FAM168A: variants seen among roughly 807,000 people sequenced by gnomAD.
The protein encoded by FAM168A is protein FAM168A.
In FAM168A, 3 loss-of-function variants were observed where a neutral mutation model predicts 28.5. The ratio of observed to expected loss-of-function variants is 0.11; its 90% CI spans 0.05 to 0.27. The LOEUF (loss-of-function observed/expected upper bound fraction) is 0.27. Ranked by LOEUF, FAM168A falls within the 10% of genes least tolerant of loss-of-function variation. The pLI, the probability that FAM168A is intolerant of heterozygous loss-of-function variation, is 1.00. For synonymous variants in FAM168A, 122 were observed against 124.2 expected, an observed-to-expected ratio of 0.98 and a Z score of 0.12; for missense variants, 222 against 311.5, an observed-to-expected ratio of 0.71 and a Z score of 2.16.
At chr11:73,539,095 G>A (rs777591233) in intron 1 of FAM168A, among the ~76,000 whole-genome samples, 1 of 152,100 alleles carries the variant, frequency 6.6e-6, no homozygotes, top group African/African-American at 2.4e-5. Context: ...ATTTGGCTGC[G>A]CATTTCAATC....
intron 2 of FAM168A, among the ~76,000 whole-genome samples, chr11:73,464,830 T>C (rs1867708366): frequency 6.6e-6 from 1 of 152,054 alleles, no homozygotes; most frequent in Non-Finnish European, 1.5e-5. Context: ...CTCTCAGCTG[T>C]CGTGTGAGGA....
chr11:73,576,935 T>C (rs1944183968), intron 1 of FAM168A, among the ~76,000 whole-genome samples: 1 of 148,200 alleles, frequency 6.7e-6, no homozygotes, highest in Non-Finnish European at 1.5e-5. Context: ...AAGCAAAGCA[T>C]AGGTGCCTCC....
chr11:73,595,815 T>C (rs1366067990), intron 1 of FAM168A, among the ~76,000 whole-genome samples: 1 of 152,268 alleles, frequency 6.6e-6, no homozygotes, highest in Non-Finnish European at 1.5e-5. Context: ...GACAGAATTC[T>C]GATCACCTGA....
At chr11:73,526,148 G>A (rs1943443555) in intron 1 of FAM168A, among the ~76,000 whole-genome samples, 1 of 152,100 alleles carries the variant, frequency 6.6e-6, no homozygotes, top group Admixed American at 6.5e-5. Flanking sequence ...AACATACAAA[G>A]AGTCTCCACA....
chr11:73,430,339 T>G (rs972938805), intron 3 of FAM168A: 5 of 289,438 alleles, frequency 1.7e-5, no homozygotes, highest in Admixed American at 9.4e-5. Context: ...TGTCCCAAGG[T>G]GTGTGTGTGT....
chr11:73,569,355 G>T (rs1029687035), intron 1 of FAM168A, among the ~76,000 whole-genome samples: 1 of 152,152 alleles, frequency 6.6e-6, no homozygotes, highest in South Asian at 2.1e-4. Flanking sequence ...CACACACACA[G>T]CGGTCTTATC....
rs77686736 is a variant in FAM168A, at chr11:73,547,444, A to T, written c.-19+50479T>A. On this transcript the variant is annotated intron_variant, in intron 1 of 7. Coordinates refer to ENST00000356467, the MANE Select transcript of FAM168A (RefSeq NM_015159.3). ...GTGCTGCTGCTATTGAAAATAGTATATCTGCTTGCAGGAAGTAACAAAAGA... is the reference window on the plus strand; with the variant it reads ...GTGCTGCTGCTATTGAAAATAGTATTTCTGCTTGCAGGAAGTAACAAAAGA... 4.4e-3 allele frequency among the ~76,000 whole-genome samples: 668 copies of T among 152,248 alleles called. 1 individual carries two copies. The highest frequency in any genetic ancestry group is 0.015 in the African/African-American group (632 of 41,550).
chr11:73,516,533 G>A (rs956237141), intron 1 of FAM168A, among the ~76,000 whole-genome samples: 1 of 152,160 alleles, frequency 6.6e-6, no homozygotes, highest in African/African-American at 2.4e-5. Flanking sequence ...GGAACTGAAT[G>A]CTGTTACATT....
At chr11:73,549,920 G>A (rs1943805917) in intron 1 of FAM168A, among the ~76,000 whole-genome samples, 1 of 152,112 alleles carries the variant, frequency 6.6e-6, no homozygotes, top group Admixed American at 6.5e-5. Context: ...TCTTGCTTCA[G>A]GTTTGGTATG....
intron 1 of FAM168A, among the ~76,000 whole-genome samples, chr11:73,576,845 T>G (rs1202356622): frequency 4.0e-5 from 6 of 151,826 alleles, no homozygotes. Context: ...GACAAGAAAA[T>G]GGCCCCTGGT....
chr11:73,420,870 G>C (rs1444432925), intron 3 of FAM168A: 1 of 152,628 alleles, frequency 6.6e-6, no homozygotes, highest in Non-Finnish European at 1.5e-5. Flanking sequence ...TAGAAATGGG[G>C]AGTGACTCAA....
At position 73,514,007 on chromosome 11, in the gene FAM168A, A is replaced by C. The variant is rs549644116; in HGVS notation, c.-18-45515T>G. Among the ~76,000 whole-genome samples, 5 of 151,734 alleles carry C rather than the reference A, an allele frequency of 3.3e-5. No homozygotes were observed. In the East Asian group the frequency reaches 9.7e-4, roughly 30 times the overall value. ...GAGACCAGCCTGGGCAACATGGCAA[A>C]ACCCTCTCTCTATAAAAAAATACAA... On this transcript the variant is annotated intron_variant, in intron 1 of 7. Transcript: ENST00000356467.
intron 1 of FAM168A, among the ~76,000 whole-genome samples, chr11:73,534,555 A>G (rs558728292): frequency 6.6e-6 from 1 of 151,980 alleles, no homozygotes; most frequent in East Asian, 1.9e-4. Flanking sequence ...GGAGCCCACC[A>G]CCACGCCTGG....
At chr11:73,449,049 C>A (rs1226909470) in intron 2 of FAM168A, among the ~76,000 whole-genome samples, 3 of 152,156 alleles carry the variant, frequency 2.0e-5, no homozygotes, top group African/African-American at 7.2e-5. Flanking sequence ...GATCATGGCT[C>A]ACTGCAGCCT....
chr11:73,411,245 G>A (rs1024571015), intron 5 of FAM168A, 149 bp downstream of exon 5: 24 of 825,936 alleles, frequency 2.9e-5, no homozygotes, highest in Admixed American at 1.1e-4. Context: ...CAGACTGCAG[G>A]GATATTGCTT....
intron 2 of FAM168A, among the ~76,000 whole-genome samples, chr11:73,448,504 C>A (rs1590784660): frequency 6.6e-6 from 1 of 152,188 alleles, no homozygotes; most frequent in Non-Finnish European, 1.5e-5. Context: ...AGACAATGGG[C>A]TCACTAACCC....
intron 1 of FAM168A, among the ~76,000 whole-genome samples, chr11:73,590,595 G>C (rs1167974896): frequency 6.6e-6 from 1 of 152,162 alleles, no homozygotes; most frequent in Non-Finnish European, 1.5e-5. Context: ...TGGAGGAGGA[G>C]ATAATGTTCC....
intron 1 of FAM168A, among the ~76,000 whole-genome samples, chr11:73,493,609 G>C (rs1275200965): frequency 6.6e-6 from 1 of 152,058 alleles, no homozygotes; most frequent in Non-Finnish European, 1.5e-5. Context: ...GTAGAGACAG[G>C]GTTTCACCAT....
rs934369532 is a variant in FAM168A, at chr11:73,405,098, G to A, written c.*1665C>T. Reference sequence around the variant, plus strand: ...TTCTCCTCTCCTGATGACTCCCACTGTCTTCCTCCTCTTCCTCTCCTCTCG... The same window carrying A: ...TTCTCCTCTCCTGATGACTCCCACTATCTTCCTCCTCTTCCTCTCCTCTCG... On this transcript the variant is annotated 3_prime_UTR_variant, in exon 8 of 8. Transcript: ENST00000356467. 3 of 152,282 alleles carry A rather than the reference G, an allele frequency of 2.0e-5. No homozygotes were observed. The highest frequency in any genetic ancestry group is 7.2e-5 in the African/African-American group (3 of 41,416). The allele number at this position is 152,282 out of a possible 1,614,324, so 9.4% of individuals were successfully genotyped here.
Sources: gnomAD v4.1 joint callset for allele counts (sites outside exome capture counted in the v4.1 genomes callset) on GRCh38, gnomAD v4.1.1 for gene constraint, MANE v1.5 for transcripts, NCBI Gene and HGNC (gene_info 2026-07-23, HGNC 2026-07-21) for gene names.